Variants in CRIM1 observed in about 807,000 individuals in gnomAD.
The protein encoded by CRIM1 is cysteine rich transmembrane BMP regulator 1, also known as cysteine-rich motor neuron 1 protein.
In CRIM1, 32 loss-of-function variants were observed where a neutral mutation model predicts 116.4. That is an observed-to-expected ratio of 0.27 (90% CI 0.21 to 0.37). CRIM1 has a LOEUF of 0.37. Among genes scored for constraint, CRIM1 ranks in the 10% least tolerant of loss-of-function variants. CRIM1 has a pLI of 1.00. For missense variants in CRIM1, 1,331 were observed against 1,354.8 expected, an observed-to-expected ratio of 0.98 and a Z score of 0.28; for synonymous variants, 590 against 509.2, an observed-to-expected ratio of 1.16 and a Z score of -2.13.
At chr2:36,417,683 A>G (rs1673725201) in intron 2 of CRIM1, among the ~76,000 whole-genome samples, 3 of 152,212 alleles carry the variant, frequency 2.0e-5, no homozygotes. Flanking sequence ...CTAACCAAAG[A>G]AGGTTTAAAT....
At chr2:36,537,660 G>T in intron 14 of CRIM1, 114 bp downstream of exon 14, 1 of 1,184,492 alleles carries the variant, frequency 8.4e-7, no homozygotes, top group Non-Finnish European at 1.2e-6. Context: ...CAAGTAGCGT[G>T]TCAGGCCCAG....
chr2:36,482,421 C>A (rs892986759), intron 7 of CRIM1, among the ~76,000 whole-genome samples: 2 of 152,024 alleles, frequency 1.3e-5, no homozygotes, highest in African/African-American at 2.4e-5. Flanking sequence ...AATAAACTTA[C>A]AAAATAACAC....
At position 36,548,852 on chromosome 2, in the gene CRIM1, A is replaced by G; in HGVS notation, c.*151A>G. ...GACCTTACTGGGATGGGCTCTGTCT[A>G]CAGCAATGTGCAGAACAAGCATTCC... On this transcript the variant is annotated 3_prime_UTR_variant, in exon 17 of 17. Coordinates refer to ENST00000280527, the MANE Select transcript of CRIM1 (RefSeq NM_016441.3). 1.8e-6 allele frequency: 1 copy of G among 543,710 alleles called. No homozygotes were observed. Among genetic ancestry groups the G allele is most frequent in the Non-Finnish European group, 3.1e-6 (1 of 319,340 alleles). 33.7% of individuals were successfully genotyped at this position (543,710 alleles called of 1,614,324 possible).
chr2:36,526,918 G>A (rs1214583836), intron 13 of CRIM1, among the ~76,000 whole-genome samples: 1 of 152,218 alleles, frequency 6.6e-6, no homozygotes, highest in Admixed American at 6.5e-5. Flanking sequence ...CACTCTAGGT[G>A]ATCAGGACTG....
intron 2 of CRIM1, among the ~76,000 whole-genome samples, chr2:36,429,925 A>G (rs1674750924): frequency 6.6e-6 from 1 of 152,200 alleles, no homozygotes; most frequent in Non-Finnish European, 1.5e-5. Context: ...TTGAACTAGA[A>G]GTAAGGGACC....
intron 2 of CRIM1, among the ~76,000 whole-genome samples, chr2:36,430,932 C>T (rs1572712962): frequency 2.0e-5 from 3 of 152,308 alleles, no homozygotes; most frequent in Admixed American, 6.5e-5. Flanking sequence ...AGAACAGTCT[C>T]CAGGAGAAAT....
chr2:36,415,694 C>A (rs1232821418), intron 2 of CRIM1, among the ~76,000 whole-genome samples: 3 of 152,154 alleles, frequency 2.0e-5, no homozygotes, highest in African/African-American at 7.2e-5. Flanking sequence ...ATATCTCATG[C>A]ACACTCCAGA....
chr2:36,526,408 T>A (rs143453536), intron 13 of CRIM1, among the ~76,000 whole-genome samples: 67 of 152,360 alleles, frequency 4.4e-4, no homozygotes, highest in African/African-American at 1.6e-3. Flanking sequence ...TACTTAGCCA[T>A]GCAAGAGTGT....
chr2:36,413,091 T>C (rs1446438426), intron 2 of CRIM1, among the ~76,000 whole-genome samples: 1 of 152,200 alleles, frequency 6.6e-6, no homozygotes, highest in Non-Finnish European at 1.5e-5. Flanking sequence ...GGACTCAGGC[T>C]GTCAGGAAAA....
Position 36,549,374 on chromosome 2 carries a change from T to C in CRIM1, c.*673T>C, listed in dbSNP as rs934364313. On this transcript the variant is annotated 3_prime_UTR_variant, in exon 17 of 17. Coordinates refer to ENST00000280527, the MANE Select transcript of CRIM1 (RefSeq NM_016441.3). ...TAAGGATATATACAGTTACACTTTT[T>C]GCTGCTTTTATTTTCTTCCAAGCCA... is the stretch of plus-strand genomic sequence containing the variant. 3 of 152,670 alleles carry C rather than the reference T, an allele frequency of 2.0e-5. No homozygotes were observed. Among genetic ancestry groups the C allele is most frequent in the Non-Finnish European group, 4.4e-5 (3 of 68,050 alleles). 9.5% of individuals were successfully genotyped at this position (152,670 alleles called of 1,614,324 possible).
At chr2:36,490,754 C>T (rs377461347) in intron 7 of CRIM1, among the ~76,000 whole-genome samples, 9 of 152,096 alleles carry the variant, frequency 5.9e-5, no homozygotes, top group Non-Finnish European at 8.8e-5. Flanking sequence ...CCAAGAGCCC[C>T]GACCCACTCT....
chr2:36,444,619 T>G (rs529413383), intron 4 of CRIM1, among the ~76,000 whole-genome samples: 28 of 152,332 alleles, frequency 1.8e-4, no homozygotes, highest in Non-Finnish European at 3.7e-4. Context: ...ATTGAAAACA[T>G]AGAGAAGGAA....
chr2:36,404,459 G>A (rs907637631), intron 2 of CRIM1, among the ~76,000 whole-genome samples: 1 of 152,160 alleles, frequency 6.6e-6, no homozygotes, highest in Non-Finnish European at 1.5e-5. Context: ...AAGGTACTCA[G>A]CATTCTCTAC....
chr2:36,513,648 G>A lies in CRIM1; in HGVS notation c.1873G>A (p.Gly625Arg). Residue 625 changes from glycine (G) to arginine (R), a missense_variant, in exon 11 of 17, where the codon GGG becomes AGG. This residue lies in a region of CRIM1 where 358 missense variants were observed against 436.1 expected (regional missense o/e 0.82). Transcript: ENST00000280527. ...TAAAAATGAGGAGAGCTGGCACGAT[G>A]GGTGCCGGGAATGCTACTGTCTCAA... ...HHKNEESWHD[G>R]CRECYCLNGR... 1.9e-6 allele frequency: 3 copies of A among 1,614,140 alleles called. No individual in the cohort carries two copies. Among genetic ancestry groups the A allele is most frequent in the Non-Finnish European group, 2.5e-6 (3 of 1,179,986 alleles).
intron 2 of CRIM1, among the ~76,000 whole-genome samples, chr2:36,397,056 A>G (rs1672082222): frequency 6.6e-6 from 1 of 152,166 alleles, no homozygotes; most frequent in African/African-American, 2.4e-5. Flanking sequence ...ATGATTTCAC[A>G]AGCGGTGTGC....
intron 4 of CRIM1, among the ~76,000 whole-genome samples, chr2:36,459,018 A>G (rs1375358087): frequency 6.6e-6 from 1 of 152,192 alleles, no homozygotes; most frequent in African/African-American, 2.4e-5. Context: ...TTTGTAAGTG[A>G]TCTAAAACAA....
intron 7 of CRIM1, among the ~76,000 whole-genome samples, chr2:36,493,411 G>A (rs1422744774): frequency 2.0e-5 from 3 of 152,164 alleles, no homozygotes; most frequent in Admixed American, 1.3e-4. Context: ...TCCACAGCCA[G>A]GCCTGCAGTT....
chr2:36,388,248 C>T (rs545632448), intron 1 of CRIM1, among the ~76,000 whole-genome samples: 1 of 152,142 alleles, frequency 6.6e-6, no homozygotes, highest in African/African-American at 2.4e-5. Context: ...AGTAAATCCT[C>T]TAAGAATGGA....
intron 2 of CRIM1, among the ~76,000 whole-genome samples, chr2:36,428,558 A>G (rs578159012): frequency 9.8e-5 from 15 of 152,350 alleles, no homozygotes; most frequent in African/African-American, 3.1e-4. Flanking sequence ...TGTGGATGAC[A>G]AAGCGTTTTC....
Sources: allele counts gnomAD v4.1 joint callset (sites outside exome capture counted in the v4.1 genomes callset), GRCh38; gene constraint gnomAD v4.1.1; regional missense constraint gnomAD v4.1.1; transcripts MANE v1.5; gene names NCBI Gene and HGNC (gene_info 2026-07-23, HGNC 2026-07-21).